Variants in GOLPH3L observed in about 807,000 individuals in gnomAD.
GOLPH3L encodes Golgi phosphoprotein 3-like.
GOLPH3L carries 22 observed loss-of-function variants against 30.3 expected under a neutral mutation model. The observed-to-expected ratio is 0.73, with a 90% CI of 0.52 to 1.04. The LOEUF is 1.04. GOLPH3L is among the 50% of genes least tolerant of loss of function. GOLPH3L has a pLI of 0.00. For synonymous variants in GOLPH3L, 120 were observed against 128.2 expected (o/e 0.94, Z 0.43); for missense variants, 303 against 345.8 (o/e 0.88, Z 0.98).
At position 150,697,048 on chromosome 1, in the gene GOLPH3L, G is replaced by T. The variant is rs888124510; in HGVS notation, c.-69C>A. The T allele has an allele frequency of 6.6e-6, 1 of 152,106 alleles. No homozygotes were observed. The highest frequency in any genetic ancestry group is 2.4e-5 in the African/African-American group (1 of 41,376). The allele number at this position is 152,106 out of a possible 1,614,324, so 9.4% of individuals were successfully genotyped here. On this transcript the variant is annotated 5_prime_UTR_variant, in exon 1 of 5. Coordinates refer to ENST00000271732, the MANE Select transcript of GOLPH3L (RefSeq NM_018178.6). ...AGGCTGTAGCTTGTGCTGTATTTTAGAAGGACACCTGTTCTCCCCACCCCA... is the reference window on the plus strand; with the variant it reads ...AGGCTGTAGCTTGTGCTGTATTTTATAAGGACACCTGTTCTCCCCACCCCA...
intron 2 of GOLPH3L, among the ~76,000 whole-genome samples, chr1:150,664,745 C>G (rs888505169): frequency 3.9e-5 from 6 of 152,166 alleles, no homozygotes; most frequent in African/African-American, 1.4e-4. Flanking sequence ...AGCCACCGTG[C>G]CCAGCCAATT....
chr1:150,652,258 G>A (rs1650118921), intron 4 of GOLPH3L, among the ~76,000 whole-genome samples: 1 of 151,754 alleles, frequency 6.6e-6, no homozygotes, highest in Non-Finnish European at 1.5e-5. Context: ...GCATGCACTT[G>A]TAGTCCCAGC....
rs71086590 is a variant in GOLPH3L, at chr1:150,673,926, CA to C, written c.184-10164del. ...GGTGACAAAGTGAGACTCCCATCTC[CA>C]AAAAAAAAAAAAAAAGAAAAAAAAT... On this transcript the variant is annotated intron_variant, in intron 2 of 4. Coordinates refer to ENST00000271732, the MANE Select transcript of GOLPH3L (RefSeq NM_018178.6). Among the ~76,000 whole-genome samples, 391 of 98,580 alleles carry C rather than the reference CA, an allele frequency of 4.0e-3. 1 individual carries two copies. Among genetic ancestry groups the C allele is most frequent in the African/African-American group, 0.013 (305 of 22,610 alleles). 64.7% of individuals were successfully genotyped at this position (98,580 alleles called of 152,430 possible).
intron 2 of GOLPH3L, among the ~76,000 whole-genome samples, chr1:150,675,970 C>T (rs1232634480): frequency 6.8e-6 from 1 of 147,660 alleles, no homozygotes; most frequent in African/African-American, 2.5e-5. Flanking sequence ...CTCCCTCCCT[C>T]CCTTCCTTTT....
intron 2 of GOLPH3L, among the ~76,000 whole-genome samples, chr1:150,682,914 G>A (rs887791442): frequency 3.3e-5 from 5 of 152,110 alleles, no homozygotes; most frequent in African/African-American, 1.2e-4. Flanking sequence ...AACTGGCACG[G>A]ACTTTCTTCC....
intron 2 of GOLPH3L, among the ~76,000 whole-genome samples, chr1:150,681,033 G>A (rs1283031092): frequency 6.6e-5 from 10 of 152,124 alleles, no homozygotes; most frequent in African/African-American, 1.9e-4. Flanking sequence ...CCAGCTACTC[G>A]GGAGGCTGAG....
At chr1:150,658,303 T>G (rs909577184) in intron 4 of GOLPH3L, among the ~76,000 whole-genome samples, 8 of 152,184 alleles carry the variant, frequency 5.3e-5, no homozygotes, top group African/African-American at 1.9e-4. Flanking sequence ...AATGAGTAAT[T>G]TAATGGTAGC....
intron 2 of GOLPH3L, among the ~76,000 whole-genome samples, chr1:150,684,290 A>G (rs1651033702): frequency 6.6e-6 from 1 of 152,148 alleles, no homozygotes; most frequent in Non-Finnish European, 1.5e-5. Context: ...ATATAATCCT[A>G]CTCTCACAGA....
intron 2 of GOLPH3L, among the ~76,000 whole-genome samples, chr1:150,679,979 G>A (rs887636829): frequency 4.6e-5 from 7 of 152,042 alleles, no homozygotes; most frequent in Non-Finnish European, 4.4e-5. Flanking sequence ...AGAATAAAAT[G>A]ATTATTGCTA....
intron 4 of GOLPH3L, among the ~76,000 whole-genome samples, chr1:150,654,010 G>A (rs1272310081): frequency 1.3e-5 from 2 of 150,342 alleles, no homozygotes; most frequent in East Asian, 2.0e-4. Flanking sequence ...TGATCCACCT[G>A]CCTTGGCCTT....
chr1:150,678,673 G>A, intron 2 of GOLPH3L, among the ~76,000 whole-genome samples: 1 of 152,178 alleles, frequency 6.6e-6, no homozygotes, highest in East Asian at 1.9e-4. Flanking sequence ...AAAAAGGAAT[G>A]TTTTAAACTA....
intron 2 of GOLPH3L, among the ~76,000 whole-genome samples, chr1:150,678,253 C>T (rs986314626): frequency 3.4e-5 from 4 of 118,932 alleles, no homozygotes; most frequent in Non-Finnish European, 4.9e-5. Context: ...GAGCCGAGAT[C>T]GCCTTGGGCA....
intron 2 of GOLPH3L, among the ~76,000 whole-genome samples, chr1:150,691,534 A>G (rs916244618): frequency 5.9e-5 from 9 of 152,074 alleles, no homozygotes; most frequent in African/African-American, 1.4e-4. Context: ...AAACAAAAAC[A>G]AAAACAAAAC....
intron 4 of GOLPH3L, among the ~76,000 whole-genome samples, chr1:150,657,898 C>A (rs1419585812): frequency 6.6e-6 from 1 of 152,292 alleles, no homozygotes; most frequent in East Asian, 1.9e-4. Context: ...TGCCTAAAGG[C>A]CAGATGTTAG....
intron 2 of GOLPH3L, among the ~76,000 whole-genome samples, chr1:150,689,885 G>C (rs920685044): frequency 1.3e-5 from 2 of 151,910 alleles, no homozygotes; most frequent in Non-Finnish European, 2.9e-5. Context: ...TGATTTGCCC[G>C]CCTCAAACCT....
intron 2 of GOLPH3L, among the ~76,000 whole-genome samples, chr1:150,676,210 G>A (rs1021840138): frequency 6.6e-6 from 1 of 152,058 alleles, no homozygotes; most frequent in African/African-American, 2.4e-5. Flanking sequence ...CTGAGCTCAG[G>A]TGATGCTCCT....
chr1:150,680,610 T>G (rs1255519982), intron 2 of GOLPH3L, among the ~76,000 whole-genome samples: 1 of 152,216 alleles, frequency 6.6e-6, no homozygotes, highest in East Asian at 1.9e-4. Flanking sequence ...CTGATTCAAC[T>G]GATCATTTTC....
chr1:150,680,789 A>G (rs1650931142), intron 2 of GOLPH3L, among the ~76,000 whole-genome samples: 1 of 152,216 alleles, frequency 6.6e-6, no homozygotes, highest in Non-Finnish European at 1.5e-5. Context: ...AAACAACAAC[A>G]AAAACATAAT....
At chr1:150,673,880 G>A (rs112294024) in intron 2 of GOLPH3L, among the ~76,000 whole-genome samples, 55,545 of 144,058 alleles carry the variant, frequency 0.39, 10,779 homozygotes, top group South Asian at 0.55. Context: ...AGCCGAGATT[G>A]TACCACTGTA....
Sources: gnomAD v4.1 joint callset for allele counts (sites outside exome capture counted in the v4.1 genomes callset) on GRCh38, gnomAD v4.1.1 for gene constraint, MANE v1.5 for transcripts, NCBI Gene and HGNC (gene_info 2026-07-23, HGNC 2026-07-21) for gene names.